The following DAB1 variants were observed in gnomAD, a reference collection of about 807,000 sequenced individuals.
DAB1 encodes the protein DAB adaptor protein 1, also known as disabled homolog 1.
A neutral mutation model predicts 64.6 loss-of-function variants in DAB1; 15 were observed. The observed-to-expected ratio is 0.23, with a 90% CI of 0.16 to 0.36. The LOEUF (loss-of-function observed/expected upper bound fraction) is 0.36. Among genes scored for constraint, DAB1 ranks in the 10% least tolerant of loss-of-function variants. DAB1 has a pLI of 1.00. For synonymous variants in DAB1, 235 were observed against 251.9 expected (o/e 0.93, Z 0.64); for missense variants, 596 against 706.7 (o/e 0.84, Z 1.78).
chr1:58,130,460 T>G (rs1297239457), intron 5 of DAB1, among the ~76,000 whole-genome samples: 3 of 152,112 alleles, frequency 2.0e-5, no homozygotes, highest in Non-Finnish European at 4.4e-5. Flanking sequence ...CATTTACAAT[T>G]AAAATTAATA....
At chr1:57,586,093 T>C (rs1645376902) in intron 7 of DAB1, among the ~76,000 whole-genome samples, 1 of 152,050 alleles carries the variant, frequency 6.6e-6, no homozygotes. Context: ...CCCTCACATT[T>C]GGGAGTTTAT....
At chr1:58,405,739 A>G (rs1644610712) in intron 3 of DAB1, among the ~76,000 whole-genome samples, 1 of 152,268 alleles carries the variant, frequency 6.6e-6, no homozygotes, top group African/African-American at 2.4e-5. Context: ...GCACACTAGC[A>G]TGATGAATGA....
At chr1:58,280,394 C>A (rs979268053) in intron 4 of DAB1, among the ~76,000 whole-genome samples, 1 of 152,208 alleles carries the variant, frequency 6.6e-6, no homozygotes, top group Non-Finnish European at 1.5e-5. Context: ...AATAGACCTG[C>A]TTTCCAATTC....
At chr1:58,080,961 C>T (rs553655446) in intron 5 of DAB1, among the ~76,000 whole-genome samples, 2 of 152,350 alleles carry the variant, frequency 1.3e-5, no homozygotes, top group South Asian at 4.1e-4. Context: ...ATGCCAAGGA[C>T]ATTGAGCTAA....
At chr1:57,051,746 A>G (rs756434150) in intron 9 of DAB1, among the ~76,000 whole-genome samples, 1 of 152,156 alleles carries the variant, frequency 6.6e-6, no homozygotes, top group Non-Finnish European at 1.5e-5. Flanking sequence ...GTGAAGCTTC[A>G]TGGATGACTT....
chr1:57,687,599 C>CAAAAAAAAAAAAAAAAAAAAAAAA (rs57316234), intron 6 of DAB1, among the ~76,000 whole-genome samples: 8 of 82,442 alleles, frequency 9.7e-5, no homozygotes, highest in African/African-American at 1.7e-4. Context: ...TCTTAAGAAA[C>CAAAAAAAAAAAAAAAAAAAAAAAA]AAAAAAAAAA....
intron 7 of DAB1, among the ~76,000 whole-genome samples, chr1:57,537,570 C>G: frequency 6.6e-6 from 1 of 151,190 alleles, no homozygotes. Flanking sequence ...ACTTTTTTTT[C>G]AAAAAAGCTC....
At chr1:58,367,408 T>G (rs1644226933) in intron 3 of DAB1, among the ~76,000 whole-genome samples, 1 of 152,184 alleles carries the variant, frequency 6.6e-6, no homozygotes, top group African/African-American at 2.4e-5. Context: ...CAGCCAACCC[T>G]GTGCTTGCCA....
chr1:58,085,791 T>C (rs1382960194), intron 5 of DAB1, among the ~76,000 whole-genome samples: 1 of 152,126 alleles, frequency 6.6e-6, no homozygotes, highest in African/African-American at 2.4e-5. Flanking sequence ...GGGGTGCTGT[T>C]ACACATTTCC....
chr1:57,393,494 C>G (rs1682557072), intron 1 of DAB1, among the ~76,000 whole-genome samples: 1 of 151,848 alleles, frequency 6.6e-6, no homozygotes, highest in Non-Finnish European at 1.5e-5. Flanking sequence ...GAGTTCGAGA[C>G]CAGCCTGGGC....
At position 57,735,619 on chromosome 1, in the gene DAB1, T is replaced by G. The variant is rs796903300; in HGVS notation, n.552-85954A>C. Among the ~76,000 whole-genome samples, 71 of 134,142 alleles carry G rather than the reference T, an allele frequency of 5.3e-4. 3 individuals carry two copies. In the East Asian group the frequency reaches 0.011, roughly 21 times the overall value. The allele number at this position is 134,142 out of a possible 152,430, so 88.0% of individuals were successfully genotyped here. On this transcript the variant is annotated intron_variant and non_coding_transcript_variant, in intron 6 of 20. Coordinates refer to the DAB1 transcript ENST00000485760. ...CCATTCTGTTTGCTTGTTTTTTTTTTTTTTTTTTTTTTTTAGTTAGAAAAT... is the reference window on the plus strand; with the variant it reads ...CCATTCTGTTTGCTTGTTTTTTTTTGTTTTTTTTTTTTTTAGTTAGAAAAT...
intron 7 of DAB1, among the ~76,000 whole-genome samples, chr1:57,538,829 T>G (rs1460207183): frequency 2.0e-5 from 3 of 152,126 alleles, no homozygotes; most frequent in Non-Finnish European, 4.4e-5. Context: ...ATTAAGACAA[T>G]GAGATTCTTT....
chr1:57,308,832 G>C lies in DAB1; in HGVS notation c.-136-17666C>G, dbSNP rs1408506171. 2.0e-5 allele frequency among the ~76,000 whole-genome samples: 3 copies of C among 152,116 alleles called. No homozygotes were observed. The South Asian group carries it at 6.2e-4, about 32-fold the overall frequency. ...TGGGAAGGAAACTGACTTACCCTGA[G>C]GTCCAGTACTGGTAAATGGCTGTAA... On this transcript the variant is annotated intron_variant, in intron 1 of 14. Transcript: ENST00000371236.
intron 2 of DAB1, among the ~76,000 whole-genome samples, chr1:57,270,708 T>C (rs1038575885): frequency 1.3e-5 from 2 of 152,218 alleles, no homozygotes; most frequent in African/African-American, 2.4e-5. Context: ...GACCCTGCAA[T>C]GAACACAGGA....
intron 4 of DAB1, among the ~76,000 whole-genome samples, chr1:58,327,599 A>G (rs1030075324): frequency 6.6e-6 from 1 of 152,120 alleles, no homozygotes; most frequent in East Asian, 1.9e-4. Flanking sequence ...GTAATTAGCT[A>G]TGGGGATGCG....
intron 6 of DAB1, among the ~76,000 whole-genome samples, chr1:57,753,265 G>A (rs1318458300): frequency 1.3e-5 from 2 of 152,172 alleles, no homozygotes; most frequent in Non-Finnish European, 2.9e-5. Flanking sequence ...GGGTCGAAGC[G>A]CTGACTGATG....
intron 4 of DAB1, among the ~76,000 whole-genome samples, chr1:58,184,194 A>T (rs567065835): frequency 1.1e-4 from 16 of 151,966 alleles, no homozygotes; most frequent in African/African-American, 3.6e-4. Context: ...TTCAGTATTT[A>T]AAAACACCCA....
intron 3 of DAB1, among the ~76,000 whole-genome samples, chr1:58,410,095 C>G (rs754579801): frequency 1.2e-4 from 19 of 152,148 alleles, no homozygotes; most frequent in Admixed American, 7.9e-4. Flanking sequence ...TTCCTTTATC[C>G]CAGAGCAAGA....
intron 1 of DAB1, among the ~76,000 whole-genome samples, chr1:57,300,251 T>C (rs572896632): frequency 6.6e-6 from 1 of 152,194 alleles, no homozygotes. Context: ...ATAAAGATGA[T>C]ATAATTCCAA....
Sources: gnomAD v4.1 joint callset for allele counts (sites outside exome capture counted in the v4.1 genomes callset) on GRCh38, gnomAD v4.1.1 for gene constraint, MANE v1.5 for transcripts, NCBI Gene and HGNC (gene_info 2026-07-23, HGNC 2026-07-21) for gene names.